FOXN3: variants seen among roughly 807,000 people sequenced by gnomAD.
FOXN3 encodes the protein forkhead box N3.
FOXN3 carries 7 observed loss-of-function variants against 38.4 expected under a neutral mutation model. That is an observed-to-expected ratio of 0.18 (90% confidence interval 0.10 to 0.34). The LOEUF is 0.34. FOXN3 is among the 10% of genes least tolerant of loss of function. The pLI, the probability that FOXN3 is intolerant of heterozygous loss-of-function variation, is 1.00. For synonymous variants in FOXN3, 230 were observed against 242.2 expected (o/e 0.95, Z 0.47); for missense variants, 456 against 613.4 (o/e 0.74, Z 2.71).
At position 89,520,203 on chromosome 14, in the gene FOXN3, G is replaced by C. The variant is rs143536975; in HGVS notation, c.-15+98825C>G. ...GACATTTTGAACTTTTGTAGAGACA[G>C]GGGTTTCGCCATGTTGTCCAGACTG... On this transcript the variant is annotated intron_variant, in intron 1 of 6. Transcript: ENST00000345097. Among the ~76,000 whole-genome samples the C allele has an allele frequency of 1.3e-3, 203 of 150,874 alleles. 1 individual carries two copies. The highest frequency in any genetic ancestry group is 4.7e-3 in the African/African-American group (194 of 41,042).
At chr14:89,280,521 G>C (rs1886425617) in intron 4 of FOXN3, among the ~76,000 whole-genome samples, 1 of 152,112 alleles carries the variant, frequency 6.6e-6, no homozygotes, top group Admixed American at 6.5e-5. Flanking sequence ...AGAAATGCAT[G>C]CACCTCCATG....
chr14:89,388,666 G>A (rs1022154049), intron 2 of FOXN3, among the ~76,000 whole-genome samples: 1 of 152,004 alleles, frequency 6.6e-6, no homozygotes, highest in South Asian at 2.1e-4. Context: ...CCAGGAAGGC[G>A]AGCAGGAGGG....
rs1887022061 is a variant in FOXN3, at chr14:89,158,227, C to T, written c.*4187G>A. On this transcript the variant is annotated 3_prime_UTR_variant, in exon 6 of 6. Transcript: ENST00000557258. ...TGGGCAGTCCTGGCGTGGTGCAGAA[C>T]TCTGAGCTGGGCACAGAAGGCCTCC... The T allele has an allele frequency of 6.6e-6, 1 of 152,312 alleles. No homozygotes were observed. The highest frequency in any genetic ancestry group is 6.5e-5 in the Admixed American group (1 of 15,286). 9.4% of individuals were successfully genotyped at this position (152,312 alleles called of 1,614,324 possible). A position where few individuals can be genotyped will look rare whatever the true frequency, so the allele number is the denominator to read the frequency against.
intron 4 of FOXN3, among the ~76,000 whole-genome samples, chr14:89,228,180 T>C (rs771996732): frequency 6.6e-6 from 1 of 152,250 alleles, no homozygotes; most frequent in African/African-American, 2.4e-5. Context: ...GTAATTGTTA[T>C]ACAACAAAGA....
chr14:89,179,381 TC>T lies in FOXN3; in HGVS notation c.851+1319del, dbSNP rs930389201. On this transcript the variant is annotated intron_variant, in intron 5 of 5. Transcript: ENST00000557258. ...CGGCAGGGGAGTTTGACCTTGCTTC[TC>T]CCTCAGGCCCAGCTAAACACACTTT... 4.7e-4 allele frequency among the ~76,000 whole-genome samples: 72 copies of T among 152,252 alleles called. 2 individuals are homozygous for T. Among genetic ancestry groups the T allele is most frequent in the African/African-American group, 1.7e-3 (70 of 41,544 alleles).
chr14:89,177,819 C>T (rs1011688753), intron 5 of FOXN3, among the ~76,000 whole-genome samples: 2 of 152,094 alleles, frequency 1.3e-5, no homozygotes, highest in Non-Finnish European at 2.9e-5. Flanking sequence ...GCTTCCTAGT[C>T]CCTGCCCCCC....
Position 89,225,058 on chromosome 14 carries a change from G to A in FOXN3, c.746-44252C>T, listed in dbSNP as rs147730998. ...ACAGAAGAATCCCTTCAACCAGGGA[G>A]TCAGAGGTTGCAGTGAGCCGAGATT... On this transcript the variant is annotated intron_variant, in intron 4 of 5. Coordinates refer to ENST00000557258, the MANE Select transcript of FOXN3 (RefSeq NM_005197.4). Among the ~76,000 whole-genome samples, 70 of 150,222 alleles carry A rather than the reference G, an allele frequency of 4.7e-4. No individual in the cohort carries two copies. In the East Asian group the frequency reaches 0.013, roughly 28 times the overall value.
chr14:89,350,384 G>A (rs1288131625), intron 3 of FOXN3: 4 of 248,160 alleles, frequency 1.6e-5, no homozygotes, highest in Non-Finnish European at 3.0e-5. Flanking sequence ...GACACACACC[G>A]AGATGTGAAA....
intron 1 of FOXN3, among the ~76,000 whole-genome samples, chr14:89,468,292 G>C (rs945339934): frequency 2.0e-5 from 3 of 151,846 alleles, no homozygotes; most frequent in African/African-American, 7.3e-5. Flanking sequence ...CGTCTCTACT[G>C]AAAATACAAA....
intron 1 of FOXN3, among the ~76,000 whole-genome samples, chr14:89,440,309 G>A (rs1179538543): frequency 6.6e-6 from 1 of 152,054 alleles, no homozygotes; most frequent in African/African-American, 2.4e-5. Context: ...TATAGGCCTT[G>A]GGGATACCAG....
In FOXN3 at chr14:89,571,696, G is replaced by A. The variant is rs868705386; in HGVS notation, c.-15+47332C>T. Among the ~76,000 whole-genome samples, 48 of 152,282 alleles carry A rather than the reference G, an allele frequency of 3.2e-4. No homozygotes were observed. The Middle Eastern group carries it at 0.014, about 43-fold the overall frequency. ...AGACAACACCTAAACAAATGAGTGT[G>A]GCTCTGTGCCAATAAAACTTTATTT... On this transcript the variant is annotated intron_variant, in intron 1 of 6. Transcript: ENST00000345097.
chr14:89,540,126 G>C (rs924361815), intron 1 of FOXN3, among the ~76,000 whole-genome samples: 3 of 152,158 alleles, frequency 2.0e-5, no homozygotes, highest in Admixed American at 2.0e-4. Flanking sequence ...CTTCAAATTG[G>C]TGTTTGCAGC....
At chr14:89,337,489 C>T (rs1006375004) in intron 3 of FOXN3, among the ~76,000 whole-genome samples, 1 of 152,110 alleles carries the variant, frequency 6.6e-6, no homozygotes, top group Non-Finnish European at 1.5e-5. Context: ...GGGAGAGCTC[C>T]GGCGCCTTAC....
chr14:89,438,642 A>G (rs538933309), intron 1 of FOXN3, among the ~76,000 whole-genome samples: 1 of 152,256 alleles, frequency 6.6e-6, no homozygotes, highest in East Asian at 1.9e-4. Context: ...AAGTAATCAT[A>G]TTTTATTTTT....
At chr14:89,469,880 G>A (rs527640447) in intron 1 of FOXN3, among the ~76,000 whole-genome samples, 1 of 152,364 alleles carries the variant, frequency 6.6e-6, no homozygotes, top group East Asian at 1.9e-4. Flanking sequence ...CACAAACAGA[G>A]GATCCTGGTG....
At chr14:89,308,951 C>G (rs948754542) in intron 3 of FOXN3, among the ~76,000 whole-genome samples, 1 of 152,192 alleles carries the variant, frequency 6.6e-6, no homozygotes, top group Admixed American at 6.5e-5. Flanking sequence ...ACAGCTCTTG[C>G]AGCCTGAGGG....
At chr14:89,528,376 CTTTTTTTTTTTTTTTTTTT>C (rs55935162) in intron 1 of FOXN3, among the ~76,000 whole-genome samples, 3 of 53,552 alleles carry the variant, frequency 5.6e-5, no homozygotes, top group Admixed American at 3.4e-4. Flanking sequence ...ATGGATGAAT[CTTTTTTTTTTTTTTTTTTT>C]TTTTTTTTTT....
intron 4 of FOXN3, among the ~76,000 whole-genome samples, chr14:89,197,487 C>T (rs1888127502): frequency 6.9e-6 from 1 of 144,384 alleles, no homozygotes; most frequent in Non-Finnish European, 1.5e-5. Flanking sequence ...GCCTGGGCGA[C>T]AGAGCAAGAC....
chr14:89,247,427 G>C (rs565603195), intron 4 of FOXN3, among the ~76,000 whole-genome samples: 1 of 152,276 alleles, frequency 6.6e-6, no homozygotes, highest in Non-Finnish European at 1.5e-5. Context: ...AGTATTAGTA[G>C]ATTTTAAACT....
Sources: gnomAD v4.1 joint callset for allele counts (sites outside exome capture counted in the v4.1 genomes callset) on GRCh38, gnomAD v4.1.1 for gene constraint, MANE v1.5 for transcripts, NCBI Gene and HGNC (gene_info 2026-07-23, HGNC 2026-07-21) for gene names.